ABCA10: variants seen among roughly 807,000 people sequenced by gnomAD.
ABCA10 encodes ATP-binding cassette sub-family A member 10.
Under a neutral mutation model 187.5 loss-of-function variants are expected in ABCA10, and 169 were observed. The observed-to-expected ratio is 0.90, with a 90% confidence interval of 0.80 to 1.02. ABCA10 has a LOEUF of 1.02. Ranked by LOEUF, ABCA10 falls within the 50% of genes least tolerant of loss-of-function variation. The pLI is 0.00. For synonymous variants in ABCA10, 574 were observed against 601.8 expected (o/e 0.95, Z 0.68); for missense variants, 1,727 against 1,812.4 (o/e 0.95, Z 0.86).
At chr17:69,182,892 C>T in intron 20 of ABCA10, 84 bp from the exon 21 acceptor site, 1 of 1,486,852 alleles carries the variant, frequency 6.7e-7, no homozygotes, top group Non-Finnish European at 9.0e-7. Flanking sequence ...TAATGATTGC[C>T]AATCGTGTTA....
chr17:69,196,697 C>T (rs1196315543), intron 11 of ABCA10, among the ~76,000 whole-genome samples: 4 of 152,142 alleles, frequency 2.6e-5, no homozygotes, highest in African/African-American at 9.7e-5. Context: ...GCCAAGATCA[C>T]GCCACTGCAC....
At chr17:69,197,223 C>T (rs1300032070) in intron 10 of ABCA10, 101 bp from the exon 11 acceptor site, 1 of 912,118 alleles carries the variant, frequency 1.1e-6, no homozygotes, top group Non-Finnish European at 1.7e-6. Context: ...TAAAGGGTAT[C>T]ACTCTCAGTG....
At position 69,165,000 on chromosome 17, in the gene ABCA10, G is replaced by A. The variant is rs1462224311; in HGVS notation, c.3246C>T (p.Ser1082=). The A allele has an allele frequency of 1.2e-6, 2 of 1,613,080 alleles. No individual in the cohort carries two copies. The highest frequency in any genetic ancestry group is 2.7e-5 in the African/African-American group (2 of 74,854). The part of the protein sequence containing the change: ...NLILCMIFIP[S]FTLLGYVMLL... ...ACATGACATACCCCAGCAAAGTGAA[G>A]GAAGGTATGAAAATCATGCACAAAA... Residue 1082 remains serine, a synonymous_variant, in exon 26 of 39, where the codon TCC becomes TCT. Transcript: ENST00000690296.
chr17:69,206,868 T>C lies in ABCA10; in HGVS notation c.1007-5200A>G, dbSNP rs1003562722. On this transcript the variant is annotated intron_variant, in intron 9 of 38. Coordinates refer to ENST00000690296, the MANE Select transcript of ABCA10 (RefSeq NM_001377321.1). Reference sequence around the variant, plus strand: ...CATGACACTGGTTTGGGCAATGATTTTTTTGGATAGGACCCCAGAAGCATG... The same window carrying C: ...CATGACACTGGTTTGGGCAATGATTCTTTTGGATAGGACCCCAGAAGCATG... Among the ~76,000 whole-genome samples, 6 of 152,232 alleles carry C rather than the reference T, an allele frequency of 3.9e-5. No individual in the cohort carries two copies. In the East Asian group the frequency reaches 1.2e-3, roughly 29 times the overall value.
At chr17:69,239,509 T>G (rs1440255443) in intron 1 of ABCA10, among the ~76,000 whole-genome samples, 1 of 152,168 alleles carries the variant, frequency 6.6e-6, no homozygotes, top group African/African-American at 2.4e-5. Context: ...GTTATTTAAA[T>G]GGGGGTAGGG....
At chr17:69,214,568 G>A in intron 9 of ABCA10, 136 bp downstream of exon 9, 1 of 757,124 alleles carries the variant, frequency 1.3e-6, no homozygotes. Flanking sequence ...ATGGAAATGA[G>A]GAAATTCTAT....
chr17:69,174,527 A>T, intron 24 of ABCA10, 80 bp downstream of exon 24: 1 of 1,474,148 alleles, frequency 6.8e-7, no homozygotes, highest in Non-Finnish European at 9.1e-7. Flanking sequence ...GCCTTTTGCT[A>T]ATGACAAAAC....
At chr17:69,213,471 TCTG>T (rs1316613150) in intron 9 of ABCA10, among the ~76,000 whole-genome samples, 2 of 152,116 alleles carry the variant, frequency 1.3e-5, no homozygotes, top group Non-Finnish European at 2.9e-5. Flanking sequence ...TATGGCTACT[TCTG>T]CTGCATCATA....
At chr17:69,221,755 A>C in intron 5 of ABCA10, 37 bp downstream of exon 5, 6 of 1,535,506 alleles carry the variant, frequency 3.9e-6, no homozygotes, top group Non-Finnish European at 4.5e-6. Flanking sequence ...AGGGAAGAAT[A>C]CAGATTTAAA....
chr17:69,216,081 T>C, intron 7 of ABCA10, 81 bp from the exon 8 acceptor site: 5 of 1,555,090 alleles, frequency 3.2e-6, no homozygotes, highest in Non-Finnish European at 4.3e-6. Flanking sequence ...TCTCACATTG[T>C]CAAAAATTTT....
At chr17:69,156,781 A>G in intron 28 of ABCA10, 51 bp downstream of exon 28, 1 of 1,118,224 alleles carries the variant, frequency 8.9e-7, no homozygotes. Flanking sequence ...ATAAATTTAA[A>G]AAGACTAAAT....
At chr17:69,224,599 T>A (rs921333925) in intron 3 of ABCA10, among the ~76,000 whole-genome samples, 3 of 151,618 alleles carry the variant, frequency 2.0e-5, no homozygotes, top group Admixed American at 2.0e-4. Context: ...TATTTCTTTA[T>A]GAGATGCATA....
upstream of ABCA10, among the ~76,000 whole-genome samples, chr17:69,229,532 A>AT (rs1262952877): frequency 2.6e-5 from 4 of 152,046 alleles, no homozygotes; most frequent in South Asian, 2.1e-4. Context: ...TTTTTATGTG[A>AT]TTTTAACTAT....
intron 25 of ABCA10, among the ~76,000 whole-genome samples, chr17:69,168,092 T>A (rs2074267586): frequency 1.3e-5 from 2 of 152,164 alleles, no homozygotes; most frequent in African/African-American, 4.8e-5. Context: ...AATATATCTT[T>A]CTTATGACTT....
chr17:69,231,161 C>T (rs2074829429), upstream of ABCA10, among the ~76,000 whole-genome samples: 1 of 152,124 alleles, frequency 6.6e-6, no homozygotes, highest in Non-Finnish European at 1.5e-5. Context: ...TCTCTCCCAG[C>T]TTCTGGTGAT....
intron 1 of ABCA10, among the ~76,000 whole-genome samples, chr17:69,239,816 C>T (rs938691162): frequency 2.6e-5 from 4 of 152,148 alleles, no homozygotes; most frequent in East Asian, 1.9e-4. Context: ...GTGACGTTGG[C>T]GTGCCCTTCA....
intron 22 of ABCA10, among the ~76,000 whole-genome samples, chr17:69,179,832 C>T (rs2074365606): frequency 6.6e-6 from 1 of 152,128 alleles, no homozygotes; most frequent in African/African-American, 2.4e-5. Context: ...CATGCTCAGC[C>T]AGACCTATTT....
chr17:69,187,042 T>TA (rs2074426597), intron 19 of ABCA10, among the ~76,000 whole-genome samples: 1 of 151,816 alleles, frequency 6.6e-6, no homozygotes, highest in South Asian at 2.1e-4. Flanking sequence ...CCCAAAGAGT[T>TA]AAAGAAATCA....
intron 36 of ABCA10, among the ~76,000 whole-genome samples, chr17:69,151,825 G>A (rs2074130764): frequency 6.6e-6 from 1 of 151,878 alleles, no homozygotes; most frequent in Non-Finnish European, 1.5e-5. Flanking sequence ...ATATATGAAT[G>A]CACACACACA....
Sources: allele counts gnomAD v4.1 joint callset (sites outside exome capture counted in the v4.1 genomes callset), GRCh38; gene constraint gnomAD v4.1.1; transcripts MANE v1.5; gene names NCBI Gene and HGNC (gene_info 2026-07-23, HGNC 2026-07-21).